Variants in FGF1 observed in about 807,000 individuals in gnomAD.
The protein encoded by FGF1 is beta-endothelial cell growth factor.
A neutral mutation model predicts 13.4 loss-of-function variants in FGF1; 9 were observed. That is an observed-to-expected ratio of 0.67 (90% CI 0.40 to 1.17). The LOEUF (loss-of-function observed/expected upper bound fraction) is 1.17. Among genes scored for constraint, FGF1 ranks in the 50% most tolerant of loss-of-function variants. The probability of loss-of-function intolerance (pLI) is 0.01; values close to 1 mark genes in which losing one functional copy is unlikely to be tolerated. For synonymous variants in FGF1, 93 were observed against 79.0 expected, an observed-to-expected ratio of 1.18 and a Z score of -0.94; for missense variants, 156 against 192.7, an observed-to-expected ratio of 0.81 and a Z score of 1.13.
At chr5:142,671,333 G>A (rs1204762076) in intron 1 of FGF1, among the ~76,000 whole-genome samples, 1 of 152,152 alleles carries the variant, frequency 6.6e-6, no homozygotes, top group Non-Finnish European at 1.5e-5. Flanking sequence ...GGGGTAAGAC[G>A]TCTTCTGTAT....
intron 1 of FGF1, among the ~76,000 whole-genome samples, chr5:142,630,462 A>G (rs953308226): frequency 6.6e-6 from 1 of 152,098 alleles, no homozygotes; most frequent in Non-Finnish European, 1.5e-5. Flanking sequence ...TTACACATAG[A>G]GCCAGAGAGA....
At chr5:142,644,582 A>G (rs1597292691) in intron 1 of FGF1, among the ~76,000 whole-genome samples, 1 of 152,022 alleles carries the variant, frequency 6.6e-6, no homozygotes, top group Non-Finnish European at 1.5e-5. Context: ...CAATTAAGAA[A>G]CCAAGCCAGC....
upstream of FGF1, among the ~76,000 whole-genome samples, chr5:142,690,145 C>A (rs886820901): frequency 2.7e-5 from 4 of 150,856 alleles, no homozygotes; most frequent in Non-Finnish European, 4.5e-5. Context: ...CACGGTGAAA[C>A]CCCGTCTCTA....
intron 1 of FGF1, among the ~76,000 whole-genome samples, chr5:142,645,630 A>G (rs772576673): frequency 2.6e-5 from 4 of 152,234 alleles, no homozygotes; most frequent in Non-Finnish European, 5.9e-5. Flanking sequence ...ACAAATCCTT[A>G]TCACAATGCC....
chr5:142,692,151 T>C (rs965027095), intron 2 of FGF1, among the ~76,000 whole-genome samples: 3 of 152,118 alleles, frequency 2.0e-5, no homozygotes, highest in African/African-American at 4.8e-5. Context: ...GGCAACATGA[T>C]GAAACCCCTT....
chr5:142,695,870 G>A (rs1753037085), intron 2 of FGF1, among the ~76,000 whole-genome samples: 1 of 152,194 alleles, frequency 6.6e-6, no homozygotes, highest in African/African-American at 2.4e-5. Flanking sequence ...ATGCCATTCT[G>A]ATTCAGAGAG....
intron 1 of FGF1, among the ~76,000 whole-genome samples, chr5:142,661,029 A>G (rs912109420): frequency 6.6e-6 from 1 of 152,212 alleles, no homozygotes; most frequent in African/African-American, 2.4e-5. Context: ...GCATTGCTTC[A>G]TATCTGCAAA....
chr5:142,642,622 G>A (rs778325150), intron 1 of FGF1, among the ~76,000 whole-genome samples: 42 of 152,260 alleles, frequency 2.8e-4, no homozygotes, highest in Non-Finnish European at 4.6e-4. Flanking sequence ...GTGAACAACA[G>A]CAGCCACCAA....
intron 2 of FGF1, 55 bp downstream of exon 2, chr5:142,613,904 C>G: frequency 6.3e-7 from 1 of 1,578,652 alleles, no homozygotes; most frequent in Non-Finnish European, 8.6e-7. Context: ...TTCCTCCCAC[C>G]TTGACTACAG....
intron 1 of FGF1, among the ~76,000 whole-genome samples, chr5:142,656,102 C>G (rs1199178991): frequency 1.3e-5 from 2 of 152,158 alleles, no homozygotes; most frequent in Admixed American, 1.3e-4. Context: ...TTCTAATGGA[C>G]TTAAGTCTTT....
chr5:142,651,240 C>T (rs1006604033), intron 1 of FGF1, among the ~76,000 whole-genome samples: 1 of 152,180 alleles, frequency 6.6e-6, no homozygotes. Context: ...CACGACTTGC[C>T]TAGGAAAGTG....
At chr5:142,656,904 A>AT (rs59585922) in intron 1 of FGF1, among the ~76,000 whole-genome samples, 15,344 of 151,372 alleles carry the variant, frequency 0.1, 1,414 homozygotes, top group African/African-American at 0.24. Flanking sequence ...TACTGCAGGT[A>AT]TTTTTTTTTA....
chr5:142,618,337 C>G (rs999767403), intron 1 of FGF1, among the ~76,000 whole-genome samples: 1 of 152,156 alleles, frequency 6.6e-6, no homozygotes, highest in Non-Finnish European at 1.5e-5. Flanking sequence ...GGATAGTAAG[C>G]AACCACTTTG....
At chr5:142,659,862 G>A (rs1418833295) in intron 1 of FGF1, among the ~76,000 whole-genome samples, 2 of 152,184 alleles carry the variant, frequency 1.3e-5, no homozygotes, top group African/African-American at 2.4e-5. Context: ...AGATGACAGG[G>A]AACATGCCCT....
Position 142,649,639 on chromosome 5 carries a change from C to A in FGF1, c.-34-35478G>T, listed in dbSNP as rs184634438. Among the ~76,000 whole-genome samples the A allele has an allele frequency of 5.7e-3, 862 of 151,900 alleles. 10 individuals carry two copies. The highest frequency in any genetic ancestry group is 0.02 in the African/African-American group (826 of 41,432). ...AGCCAGGATGGTCTCAATCTCCTGACCTCATGATCCGCCCACCTCAGCCTC... is the reference window on the plus strand; with the variant it reads ...AGCCAGGATGGTCTCAATCTCCTGAACTCATGATCCGCCCACCTCAGCCTC... On this transcript the variant is annotated intron_variant, in intron 1 of 3. Transcript: ENST00000337706.
rs1035358464 is a variant in FGF1, at chr5:142,631,223, A to G, written c.-34-17062T>C. Among the ~76,000 whole-genome samples the G allele has an allele frequency of 4.6e-5, 7 of 152,350 alleles. No homozygotes were observed. The East Asian group carries it at 1.3e-3, about 29-fold the overall frequency. On this transcript the variant is annotated intron_variant, in intron 1 of 3. Coordinates refer to ENST00000337706, the MANE Select transcript of FGF1 (RefSeq NM_000800.5). ...TTTTTCCCCTAGATTATTTTTATAG[A>G]AAAAAGTGAAGCAAATATAGAGATA...
chr5:142,612,696 C>G (rs558467360), intron 2 of FGF1, among the ~76,000 whole-genome samples: 1 of 151,908 alleles, frequency 6.6e-6, no homozygotes, highest in African/African-American at 2.4e-5. Flanking sequence ...GATAAGCCAT[C>G]AAAACAAAGC....
chr5:142,648,689 C>CAAA lies in FGF1; in HGVS notation c.-34-34531_-34-34529dup, dbSNP rs11451715. On this transcript the variant is annotated intron_variant, in intron 1 of 3. Transcript: ENST00000337706. ...AAAAAGTGATTTGTCCCCCACCAAC[C>CAAA]AAAAAAAAAAAAAAAAAAAAAAAAG... 3.5e-3 allele frequency among the ~76,000 whole-genome samples: 229 copies of CAAA among 66,166 alleles called. 2 individuals are homozygous for CAAA. The highest frequency in any genetic ancestry group is 9.5e-3 in the East Asian group (18 of 1,896). 43.4% of individuals were successfully genotyped at this position (66,166 alleles called of 152,430 possible). A position where few individuals can be genotyped will look rare whatever the true frequency, so the allele number is the denominator to read the frequency against.
intron 2 of FGF1, among the ~76,000 whole-genome samples, chr5:142,696,427 T>A (rs1200390939): frequency 6.6e-6 from 1 of 152,342 alleles, no homozygotes; most frequent in East Asian, 1.9e-4. Context: ...GGGATGGGAA[T>A]GACTCCATGC....
Sources: allele counts gnomAD v4.1 joint callset (sites outside exome capture counted in the v4.1 genomes callset), GRCh38; gene constraint gnomAD v4.1.1; transcripts MANE v1.5; gene names NCBI Gene and HGNC (gene_info 2026-07-23, HGNC 2026-07-21).